The following ZNF540 variants were observed in gnomAD, a reference collection of about 807,000 sequenced individuals.
ZNF540 encodes the protein CTD-3064H18.6.
Under a neutral mutation model 11.8 loss-of-function variants are expected in ZNF540, and 3 were observed. The ratio of observed to expected loss-of-function variants is 0.25; its 90% CI spans 0.12 to 0.65. The LOEUF (loss-of-function observed/expected upper bound fraction) is 0.65. Among genes scored for constraint, ZNF540 ranks in the 30% least tolerant of loss-of-function variants. The pLI is 0.83. For missense variants in ZNF540, 709 were observed against 793.1 expected (o/e 0.89, Z 1.27); for synonymous variants, 247 against 259.0 (o/e 0.95, Z 0.45).
At chr19:37,557,790 C>T (rs2042676210) in intron 1 of ZNF540, among the ~76,000 whole-genome samples, 1 of 152,122 alleles carries the variant, frequency 6.6e-6, no homozygotes, top group Non-Finnish European at 1.5e-5. Context: ...TCGCCAGAAG[C>T]ACTTTGAAGT....
intron 4 of ZNF540, among the ~76,000 whole-genome samples, chr19:37,601,701 A>G (rs1032396452): frequency 6.6e-6 from 1 of 152,232 alleles, no homozygotes; most frequent in Non-Finnish European, 1.5e-5. Context: ...GGCTCTTCGA[A>G]GAGAGAATAT....
At chr19:37,582,881 T>C (rs890317874) in intron 1 of ZNF540, among the ~76,000 whole-genome samples, 1 of 152,228 alleles carries the variant, frequency 6.6e-6, no homozygotes, top group African/African-American at 2.4e-5. Context: ...ATCCTCACTG[T>C]TCACATAGCA....
Position 37,573,851 on chromosome 19 carries a change from AAAAAG to A in ZNF540, c.-73+22191_-73+22195del, listed in dbSNP as rs2043152427. 2.6e-5 allele frequency among the ~76,000 whole-genome samples: 4 copies of A among 151,914 alleles called. No individual in the cohort carries two copies. In the South Asian group the frequency reaches 6.2e-4, roughly 24 times the overall value. On this transcript the variant is annotated intron_variant, in intron 1 of 4. Transcript: ENST00000592533. ...CTGTTTCAAAAAAAAAAAAAGAAAG[AAAAAG>A]AAAAAAGAAAATAACAAAACTGCTT...
chr19:37,581,875 G>A (rs950574871), intron 1 of ZNF540, among the ~76,000 whole-genome samples: 11 of 150,884 alleles, frequency 7.3e-5, no homozygotes, highest in Non-Finnish European at 1.6e-4. Flanking sequence ...CAGGAGAATG[G>A]CAAAACTTCT....
intron 1 of ZNF540, among the ~76,000 whole-genome samples, chr19:37,580,218 C>T (rs1391030066): frequency 2.0e-5 from 3 of 152,206 alleles, no homozygotes; most frequent in African/African-American, 7.2e-5. Context: ...TTCCTGCTGA[C>T]AGTTGGAGGC....
At chr19:37,581,789 G>GAAA (rs35272779) in intron 1 of ZNF540, among the ~76,000 whole-genome samples, 1 of 147,478 alleles carries the variant, frequency 6.8e-6, no homozygotes, top group Non-Finnish European at 1.5e-5. Context: ...ATTCTCCTGT[G>GAAA]AAAAAAAAAC....
rs766597453 is a variant in ZNF540, at chr19:37,611,789, G to A, written c.509G>A (p.Ser170Asn). The A allele has an allele frequency of 1.8e-5, 29 of 1,613,852 alleles. No homozygotes were observed. The highest frequency in any genetic ancestry group is 2.3e-5 in the Non-Finnish European group (27 of 1,179,958). The change falls in exon 5 of 5, where the codon AGC becomes AAC. Residue 170 changes from serine (S) to asparagine (N), a missense_variant. Physicochemically the swap from Ser to Asn is conservative, Grantham distance 46. Coordinates refer to ENST00000316433, the MANE Select transcript of ZNF540 (RefSeq NM_001172225.3). ...CAGAGAATTCACAATAGTGAGAAAA[G>A]CTGTGACTCACACTTGGTTCAACAT... Reference protein sequence around the residue: ...LNQRIHNSEKSCDSHLVQHGK... With the variant: ...LNQRIHNSEKNCDSHLVQHGK...
chr19:37,596,191 T>C (rs1196064698), intron 1 of ZNF540, among the ~76,000 whole-genome samples: 1 of 152,250 alleles, frequency 6.6e-6, no homozygotes, highest in East Asian at 1.9e-4. Context: ...TGCCCTTTTA[T>C]AGACAAATGC....
At chr19:37,591,775 C>G (rs1042581403), upstream of ZNF540, among the ~76,000 whole-genome samples, 18 of 152,018 alleles carry the variant, frequency 1.2e-4, no homozygotes, top group Admixed American at 2.0e-4. Flanking sequence ...AACTCCCGAC[C>G]TCAGGTGATT....
At chr19:37,577,768 G>C (rs536154654) in intron 1 of ZNF540, among the ~76,000 whole-genome samples, 1 of 152,212 alleles carries the variant, frequency 6.6e-6, no homozygotes, top group African/African-American at 2.4e-5. Flanking sequence ...ACTCTAGGGG[G>C]GCACTCAAGA....
At position 37,569,422 on chromosome 19, in the gene ZNF540, CT is replaced by C. The variant is rs1455998477; in HGVS notation, c.-73+17759del. ...AAATTGGAGGGATAAAATCTAAACT[CT>C]TCTGCAGTATTTTTCAAACTTCTTT... On this transcript the variant is annotated intron_variant, in intron 1 of 4. Coordinates refer to the ZNF540 transcript ENST00000592533. This position sits in a 1 kb window ranked among gnomAD's most constrained non-coding sequence, Gnocchi z 4.4. Among the ~76,000 whole-genome samples the C allele has an allele frequency of 1.1e-4, 16 of 152,270 alleles. No individual in the cohort carries two copies. The highest frequency in any genetic ancestry group is 8.8e-5 in the Non-Finnish European group (6 of 68,030).
At chr19:37,559,304 T>C (rs2042693332) in intron 1 of ZNF540, among the ~76,000 whole-genome samples, 1 of 152,242 alleles carries the variant, frequency 6.6e-6, no homozygotes. Context: ...TAATTGGGCA[T>C]GATCTATTAA....
At chr19:37,588,254 G>C (rs974987280) in intron 1 of ZNF540, among the ~76,000 whole-genome samples, 9 of 151,684 alleles carry the variant, frequency 5.9e-5, no homozygotes, top group African/African-American at 2.2e-4. Flanking sequence ...TATGAAAGCA[G>C]ATACATTCAA....
At chr19:37,552,203 C>G (rs1220162602) in intron 1 of ZNF540, among the ~76,000 whole-genome samples, 1 of 152,150 alleles carries the variant, frequency 6.6e-6, no homozygotes, top group African/African-American at 2.4e-5. Context: ...TTAATTTTGA[C>G]ATTAATTTCT....
At chr19:37,558,695 C>T (rs2042686771) in intron 1 of ZNF540, among the ~76,000 whole-genome samples, 2 of 152,144 alleles carry the variant, frequency 1.3e-5, no homozygotes, top group Admixed American at 1.3e-4. Context: ...CTGCACCAGC[C>T]AGCATGTCTC....
At chr19:37,563,671 CTA>C (rs748769255) in intron 1 of ZNF540, 8 of 149,632 alleles carry the variant, frequency 5.3e-5, no homozygotes, top group East Asian at 1.9e-4. Context: ...CATATGGGGA[CTA>C]TATACACACG....
At chr19:37,593,846 G>A (rs1419870374), upstream of ZNF540, among the ~76,000 whole-genome samples, 1 of 152,142 alleles carries the variant, frequency 6.6e-6, no homozygotes, top group East Asian at 1.9e-4. Flanking sequence ...GGTGCCTAAG[G>A]ACCAGTCACT....
chr19:37,551,399 G>A (rs2042603162), upstream of ZNF540: 2 of 152,292 alleles, frequency 1.3e-5, no homozygotes, highest in Non-Finnish European at 2.9e-5. Context: ...ACCGTTGCCT[G>A]GGGACGGGCC....
At chr19:37,579,681 TA>T (rs2043379201) in intron 1 of ZNF540, among the ~76,000 whole-genome samples, 1 of 152,224 alleles carries the variant, frequency 6.6e-6, no homozygotes, top group African/African-American at 2.4e-5. Context: ...TCAGAGCTAC[TA>T]ATTTTAATTT....
Sources: allele counts gnomAD v4.1 joint callset (sites outside exome capture counted in the v4.1 genomes callset), GRCh38; gene constraint gnomAD v4.1.1; non-coding constraint Gnocchi (gnomAD v3.1); transcripts MANE v1.5; gene names NCBI Gene and HGNC (gene_info 2026-07-23, HGNC 2026-07-21).